Variants in FOXN4 observed in about 807,000 individuals in gnomAD.
FOXN4 encodes forkhead box N4.
A neutral mutation model predicts 45.0 loss-of-function variants in FOXN4; 12 were observed. The ratio of observed to expected loss-of-function variants is 0.27; its 90% CI spans 0.17 to 0.43. The LOEUF (loss-of-function observed/expected upper bound fraction) is 0.43, where lower values mean the gene tolerates loss of function less well. FOXN4 is among the 20% of genes least tolerant of loss of function. The pLI, the probability that FOXN4 is intolerant of heterozygous loss-of-function variation, is 1.00. For missense variants in FOXN4, 560 were observed against 694.9 expected (o/e 0.81, Z 2.18); for synonymous variants, 297 against 295.0 (o/e 1.01, Z -0.07).
chr12:109,303,868 AC>A (rs2047888630), intron 2 of FOXN4, among the ~76,000 whole-genome samples: 1 of 152,124 alleles, frequency 6.6e-6, no homozygotes, highest in Admixed American at 6.5e-5. Context: ...CAGTATCCTT[AC>A]CTGTAGATTG....
chr12:109,295,390 G>A (rs181425852), intron 2 of FOXN4, among the ~76,000 whole-genome samples: 5 of 152,340 alleles, frequency 3.3e-5, no homozygotes, highest in East Asian at 3.9e-4. Context: ...GTTCCTGGGC[G>A]AGAGGAAAAT....
At position 109,287,716 on chromosome 12, in the gene FOXN4, T is replaced by C. The variant is rs1165568219; in HGVS notation, c.468+128A>G. The C allele has an allele frequency of 1.8e-6, 2 of 1,122,918 alleles. No individual in the cohort carries two copies. The highest frequency in any genetic ancestry group is 2.5e-6 in the Non-Finnish European group (2 of 808,938). The allele number at this position is 1,122,918 out of a possible 1,614,324, so 69.6% of individuals were successfully genotyped here. On this transcript the variant is annotated intron_variant, in intron 5 of 9. Coordinates refer to ENST00000299162, the MANE Select transcript of FOXN4 (RefSeq NM_213596.3). The surrounding 1 kb of genome is among the most constrained non-coding windows in gnomAD (Gnocchi z 4.1). ...TGGGGGAACGGAATGAATGACCCCA[T>C]GACATGAGCATGGAGGGAATGTTAT...
chr12:109,290,016 C>A lies in FOXN4; in HGVS notation c.232+125G>T. ...GAGCATTTGTCCCATTTTACAGATG[C>A]AGAAAGAGAGGCCCAGAGAGACTGG... is the stretch of plus-strand genomic sequence containing the variant. On this transcript the variant is annotated intron_variant, in intron 3 of 9. Coordinates refer to ENST00000299162, the MANE Select transcript of FOXN4 (RefSeq NM_213596.3). The surrounding 1 kb of genome is among the most constrained non-coding windows in gnomAD (Gnocchi z 5.1). 8.5e-7 allele frequency: 1 copy of A among 1,172,284 alleles called. No individual in the cohort carries two copies. Among genetic ancestry groups the A allele is most frequent in the Non-Finnish European group, 1.1e-6 (1 of 870,426 alleles). The allele number at this position is 1,172,284 out of a possible 1,614,324, so 72.6% of individuals were successfully genotyped here. A position where few individuals can be genotyped will look rare whatever the true frequency, so the allele number is the denominator to read the frequency against.
chr12:109,304,541 C>A (rs1297254660), intron 2 of FOXN4, among the ~76,000 whole-genome samples: 1 of 152,210 alleles, frequency 6.6e-6, no homozygotes, highest in Non-Finnish European at 1.5e-5. Flanking sequence ...GTCCCCTGCC[C>A]CTTCATCAGC....
chr12:109,285,211 C>T, intron 8 of FOXN4, 93 bp downstream of exon 8: 3 of 1,499,388 alleles, frequency 2.0e-6, no homozygotes, highest in Non-Finnish European at 2.7e-6. Flanking sequence ...GTTGGCCATG[C>T]TCTGGTGGAT....
In FOXN4 at chr12:109,290,175, G is replaced by T; in HGVS notation, c.198C>A (p.Asp66Glu). Residue 66 changes from aspartate (D) to glutamate (E), a missense_variant, in exon 3 of 10, where the codon GAC (aspartate) becomes GAA (glutamate). Asp to Glu is a conservative substitution (Grantham distance 45). This residue lies in a region of FOXN4 where 142 missense variants were observed against 185.7 expected (regional missense o/e 0.76). Coordinates refer to ENST00000299162, the MANE Select transcript of FOXN4 (RefSeq NM_213596.3). This position sits in a 1 kb window ranked among gnomAD's most constrained non-coding sequence, Gnocchi z 5.1. ...RLQQMASGRV[D>E]LGGPCVPHPH... ...GATGTGGCACGCAGGGGCCACCCAG[G>T]TCCACGCGGCCACTTGCCATCTGCT... 2 of 1,551,184 alleles carry T rather than the reference G, an allele frequency of 1.3e-6. No individual in the cohort carries two copies.
At position 109,308,269 on chromosome 12, in the gene FOXN4, C is replaced by T; in HGVS notation, c.53G>A (p.Gly18Glu). 6.4e-7 allele frequency: 1 copy of T among 1,551,748 alleles called. No homozygotes were observed. The highest frequency in any genetic ancestry group is 8.7e-7 in the Non-Finnish European group (1 of 1,146,954). Residue 18 changes from glycine to glutamate, a missense_variant, in exon 2 of 10, where the codon GGG becomes GAG. By Grantham distance (98) the Gly-to-Glu change is moderately conservative. This residue lies in a region of FOXN4 where 142 missense variants were observed against 185.7 expected (regional missense o/e 0.76). Coordinates refer to ENST00000299162, the MANE Select transcript of FOXN4 (RefSeq NM_213596.3). ...SIMSGIIRNSGQNHHPSPQEY... is the reference protein window; with the variant it reads ...SIMSGIIRNSEQNHHPSPQEY... The stretch of plus-strand genomic sequence containing the variant: ...CTGTGGAGAGGGGTGGTGATTTTGC[C>T]CTGAGTTTCGAATAATTCCTGACAT...
intron 2 of FOXN4, among the ~76,000 whole-genome samples, chr12:109,292,820 T>C (rs1244229937): frequency 6.6e-6 from 1 of 152,170 alleles, no homozygotes; most frequent in Non-Finnish European, 1.5e-5. Flanking sequence ...AACTCAGGAC[T>C]GAGTGGTCAC....
At chr12:109,296,361 A>T (rs1483879358) in intron 2 of FOXN4, among the ~76,000 whole-genome samples, 2 of 152,144 alleles carry the variant, frequency 1.3e-5, no homozygotes, top group Non-Finnish European at 2.9e-5. Context: ...GGCTGGGGCC[A>T]AATGTCCTTC....
chr12:109,286,789 C>A, intron 6 of FOXN4, 45 bp from the exon 7 acceptor site: 1 of 1,567,656 alleles, frequency 6.4e-7, no homozygotes, highest in African/African-American at 1.3e-5. Flanking sequence ...CAGGACAGGG[C>A]AGGCCAGGCA....
intron 2 of FOXN4, among the ~76,000 whole-genome samples, chr12:109,292,043 C>T (rs2047774410): frequency 1.3e-5 from 2 of 152,188 alleles, no homozygotes; most frequent in Non-Finnish European, 2.9e-5. Flanking sequence ...CCCCTCAGGC[C>T]CTGGGAGACC....
At chr12:109,298,397 G>A (rs1018968874) in intron 2 of FOXN4, among the ~76,000 whole-genome samples, 1 of 144,422 alleles carries the variant, frequency 6.9e-6, no homozygotes, top group Non-Finnish European at 1.5e-5. Flanking sequence ...ATGGAGTTTC[G>A]CTCTTCTCCA....
At chr12:109,305,091 G>C (rs999088484) in intron 2 of FOXN4, among the ~76,000 whole-genome samples, 21 of 152,194 alleles carry the variant, frequency 1.4e-4, no homozygotes, top group African/African-American at 5.1e-4. Context: ...CTCATGGCCA[G>C]TGGGACTTGG....
At chr12:109,302,787 G>A (rs1048110909) in intron 2 of FOXN4, among the ~76,000 whole-genome samples, 1 of 152,138 alleles carries the variant, frequency 6.6e-6, no homozygotes, top group African/African-American at 2.4e-5. Flanking sequence ...CCCTACCTGC[G>A]CGGCAACTCC....
At position 109,287,712 on chromosome 12, in the gene FOXN4, C is replaced by G; in HGVS notation, c.468+132G>C. The G allele has an allele frequency of 9.0e-7, 1 of 1,112,994 alleles. No individual in the cohort carries two copies. The highest frequency in any genetic ancestry group is 1.3e-6 in the Non-Finnish European group (1 of 799,730). 68.9% of individuals were successfully genotyped at this position (1,112,994 alleles called of 1,614,324 possible). ...GTTTTGGGGGAACGGAATGAATGAC[C>G]CCATGACATGAGCATGGAGGGAATG... On this transcript the variant is annotated intron_variant, in intron 5 of 9. Transcript: ENST00000299162. This position sits in a 1 kb window ranked among gnomAD's most constrained non-coding sequence, Gnocchi z 4.1.
rs368719120 is a variant in FOXN4, at chr12:109,290,118, G to A, written c.232+23C>T. ...CCTCTCCTATATCACCCTCCTCCCT[G>A]CCTACCTTGTCCCTGAGCCTACCTG... is the stretch of plus-strand genomic sequence containing the variant. On this transcript the variant is annotated intron_variant, in intron 3 of 9. Transcript: ENST00000299162. This position sits in a 1 kb window ranked among gnomAD's most constrained non-coding sequence, Gnocchi z 5.1. 1.2e-3 allele frequency: 1,883 copies of A among 1,527,928 alleles called. 36 individuals are homozygous for A. In the South Asian group the frequency reaches 0.021, roughly 17 times the overall value. The allele number at this position is 1,527,928 out of a possible 1,614,324, so 94.6% of individuals were successfully genotyped here.
chr12:109,286,496 CTG>C (rs748140365), intron 7 of FOXN4, among the ~76,000 whole-genome samples, 150 bp downstream of exon 7: 7 of 152,170 alleles, frequency 4.6e-5, no homozygotes, highest in Non-Finnish European at 1.0e-4. Context: ...TGACTTTCTT[CTG>C]TGTGAGTGTG....
At chr12:109,300,772 G>A (rs1320374854) in intron 2 of FOXN4, among the ~76,000 whole-genome samples, 4 of 152,110 alleles carry the variant, frequency 2.6e-5, no homozygotes, top group Admixed American at 6.5e-5. Context: ...AGCCAGGCAT[G>A]GTGATGCAGG....
At chr12:109,298,853 T>A (rs977389505) in intron 2 of FOXN4, among the ~76,000 whole-genome samples, 1 of 152,170 alleles carries the variant, frequency 6.6e-6, no homozygotes, top group Non-Finnish European at 1.5e-5. Context: ...TGTGAGCTCC[T>A]CCTGGCTGCG....
Sources: allele counts gnomAD v4.1 joint callset (sites outside exome capture counted in the v4.1 genomes callset), GRCh38; gene constraint gnomAD v4.1.1; regional missense constraint gnomAD v4.1.1; non-coding constraint Gnocchi (gnomAD v3.1); transcripts MANE v1.5; gene names NCBI Gene and HGNC (gene_info 2026-07-23, HGNC 2026-07-21).